RBFOX3: variants seen among roughly 807,000 people sequenced by gnomAD.
RBFOX3 encodes RNA binding protein fox-1 homolog 3.
Under a neutral mutation model 48.7 loss-of-function variants are expected in RBFOX3, and 17 were observed. The observed-to-expected ratio is 0.35, with a 90% CI of 0.24 to 0.52. The LOEUF (loss-of-function observed/expected upper bound fraction) is 0.52, where lower values mean the gene tolerates loss of function less well. Ranked by LOEUF, RBFOX3 falls within the 20% of genes least tolerant of loss-of-function variation. The pLI is 0.94. For missense variants in RBFOX3, 382 were observed against 497.5 expected (o/e 0.77, Z 2.21); for synonymous variants, 212 against 209.5 (o/e 1.01, Z -0.10).
chr17:79,120,739 T>TGGGTGGGTGGATGGAA (rs2035518517), intron 4 of RBFOX3, among the ~76,000 whole-genome samples: 1 of 107,102 alleles, frequency 9.3e-6, no homozygotes, highest in Non-Finnish European at 2.0e-5. Context: ...GGTGGATGGA[T>TGGGTGGGTGGATGGAA]GGACAGATGG....
chr17:79,368,071 C>T (rs1379639343), intron 2 of RBFOX3, among the ~76,000 whole-genome samples: 4 of 152,330 alleles, frequency 2.6e-5, no homozygotes, highest in East Asian at 3.9e-4. Flanking sequence ...TCATTTCCTG[C>T]TAATGAGATT....
At position 79,242,771 on chromosome 17, in the gene RBFOX3, A is replaced by G. The variant is rs999560883; in HGVS notation, c.-73-6966T>C. ...AGGGCCACCCCCTTACTGGGCCTCC[A>G]CAGGGCAGCAGGGCAGGGCTTAGGG... On this transcript the variant is annotated intron_variant, in intron 3 of 14. Transcript: ENST00000693108. The surrounding 1 kb of genome is among the most constrained non-coding windows in gnomAD (Gnocchi z 5.8). 6.6e-6 allele frequency among the ~76,000 whole-genome samples: 1 copy of G among 152,286 alleles called. No homozygotes were observed. The highest frequency in any genetic ancestry group is 1.9e-4 in the East Asian group (1 of 5,160).
At chr17:79,449,622 A>AACACACACAC (rs57480439) in intron 2 of RBFOX3, among the ~76,000 whole-genome samples, 17,767 of 144,488 alleles carry the variant, frequency 0.12, 1,254 homozygotes, top group East Asian at 0.19. Context: ...TGCACACATA[A>AACACACACAC]ACACACACAC....
intron 4 of RBFOX3, among the ~76,000 whole-genome samples, chr17:79,118,042 G>C (rs564813155): frequency 6.6e-6 from 1 of 152,064 alleles, no homozygotes; most frequent in Non-Finnish European, 1.5e-5. Flanking sequence ...GGGTGGGTGC[G>C]CATAGCTGGA....
At chr17:79,271,994 T>A (rs748933140) in intron 3 of RBFOX3, among the ~76,000 whole-genome samples, 1 of 152,176 alleles carries the variant, frequency 6.6e-6, no homozygotes, top group Non-Finnish European at 1.5e-5. Context: ...GGAATATATG[T>A]CCTCAAAATA....
At chr17:79,394,554 G>A (rs8081472) in intron 2 of RBFOX3, among the ~76,000 whole-genome samples, 21,813 of 152,188 alleles carry the variant, frequency 0.14, 1,494 homozygotes, top group Middle Eastern at 0.2. Context: ...AGGACAGGAG[G>A]CTGACAGTCA....
At chr17:79,134,451 C>T (rs2039698476) in intron 4 of RBFOX3, among the ~76,000 whole-genome samples, 1 of 152,208 alleles carries the variant, frequency 6.6e-6, no homozygotes, top group African/African-American at 2.4e-5. Context: ...GGTGCTCACG[C>T]CTGGTCGGTC....
At chr17:79,394,238 G>A (rs2061712757) in intron 2 of RBFOX3, among the ~76,000 whole-genome samples, 1 of 152,208 alleles carries the variant, frequency 6.6e-6, no homozygotes, top group Non-Finnish European at 1.5e-5. Flanking sequence ...GCCCAGGATG[G>A]AAAAGCATGA....
intron 4 of RBFOX3, among the ~76,000 whole-genome samples, chr17:79,153,658 T>G (rs907390239): frequency 1.3e-5 from 2 of 152,196 alleles, no homozygotes; most frequent in Non-Finnish European, 2.9e-5. Flanking sequence ...CAATCCTTAC[T>G]TGCTGCACGG....
At chr17:79,329,592 G>T (rs1410942706) in intron 2 of RBFOX3, among the ~76,000 whole-genome samples, 1 of 152,144 alleles carries the variant, frequency 6.6e-6, no homozygotes, top group Non-Finnish European at 1.5e-5. Context: ...AAGGAGCTCT[G>T]CATGCCTGGT....
chr17:79,646,693 A>T, the RBFOX3 span, among the ~76,000 whole-genome samples: 1 of 152,160 alleles, frequency 6.6e-6, no homozygotes, highest in Non-Finnish European at 1.5e-5. Context: ...GGGCACAGCC[A>T]AACCATATCA....
chr17:79,611,130 T>TCTCTCTCCC (rs1491548376), upstream of RBFOX3, among the ~76,000 whole-genome samples: 2 of 37,846 alleles, frequency 5.3e-5, no homozygotes, highest in South Asian at 9.3e-4. Context: ...TCCGCCCTCC[T>TCTCTCTCCC]TCTCTCTCTC....
chr17:79,263,725 A>T (rs1455461369), intron 3 of RBFOX3, among the ~76,000 whole-genome samples: 3 of 152,192 alleles, frequency 2.0e-5, no homozygotes, highest in Admixed American at 6.5e-5. Context: ...TGCCTGACAC[A>T]CAGGGGGCAG....
rs1421492076 is a variant in RBFOX3 at position 79,110,545 on chromosome 17, C to T, written c.223-3757G>A. On this transcript the variant is annotated intron_variant, in intron 5 of 14. Coordinates refer to ENST00000693108, the MANE Select transcript of RBFOX3 (RefSeq NM_001350451.2). ...AACCGGTTTTTGGAAATCCCTTCCTCGACAGCGCCGTCTCCCTTCGTTCCT... is the reference window on the plus strand; with the variant it reads ...AACCGGTTTTTGGAAATCCCTTCCTTGACAGCGCCGTCTCCCTTCGTTCCT... 4.6e-5 allele frequency among the ~76,000 whole-genome samples: 7 copies of T among 152,348 alleles called. No homozygotes were observed. The South Asian group carries it at 8.3e-4, about 18-fold the overall frequency.
chr17:79,548,041 C>T (rs1431426246), intron 1 of RBFOX3, among the ~76,000 whole-genome samples: 2 of 152,232 alleles, frequency 1.3e-5, no homozygotes, highest in African/African-American at 4.8e-5. Context: ...TTCCTGTCTC[C>T]ACCCATTTCC....
chr17:79,241,365 G>T (rs532832110), intron 3 of RBFOX3, among the ~76,000 whole-genome samples: 1 of 152,182 alleles, frequency 6.6e-6, no homozygotes, highest in South Asian at 2.1e-4. Flanking sequence ...GCACTTCTGG[G>T]GAGGTGATAT....
rs1359300481 is a variant in RBFOX3, at chr17:79,198,239, A to G, written c.-34+37527T>C. Among the ~76,000 whole-genome samples the G allele has an allele frequency of 6.6e-6, 1 of 152,086 alleles. No homozygotes were observed. The highest frequency in any genetic ancestry group is 2.4e-5 in the African/African-American group (1 of 41,398). On this transcript the variant is annotated intron_variant, in intron 4 of 14. Transcript: ENST00000693108. This position sits in a 1 kb window ranked among gnomAD's most constrained non-coding sequence, Gnocchi z 8.2. ...ACCAGAAGGGGAAATCATGGGTGAC[A>G]ACCGCCTCTGGCCAGCCCTCTGCCC...
rs1195740021 is a variant in RBFOX3 at position 79,443,478 on chromosome 17, T to C, written c.-175+38976A>G. Among the ~76,000 whole-genome samples, 1 of 151,940 alleles carries C rather than the reference T, an allele frequency of 6.6e-6. No individual in the cohort carries two copies. The highest frequency in any genetic ancestry group is 2.4e-5 in the African/African-American group (1 of 41,354). On this transcript the variant is annotated intron_variant, in intron 2 of 14. Transcript: ENST00000693108. This position sits in a 1 kb window ranked among gnomAD's most constrained non-coding sequence, Gnocchi z 4.4. ...CTCGCTGCAACCTCTGCCTCCCAGGTTCCAGTGATTCTCCTTGCCTCAGCC... is the reference window on the plus strand; with the variant it reads ...CTCGCTGCAACCTCTGCCTCCCAGGCTCCAGTGATTCTCCTTGCCTCAGCC...
the RBFOX3 span, among the ~76,000 whole-genome samples, chr17:79,630,955 G>A: frequency 1.3e-5 from 2 of 152,040 alleles, no homozygotes; most frequent in African/African-American, 2.4e-5. Flanking sequence ...CCCGCCCCAC[G>A]AGGTGGAGGC....
Sources: gnomAD v4.1 joint callset for allele counts (sites outside exome capture counted in the v4.1 genomes callset) on GRCh38, gnomAD v4.1.1 for gene constraint, Gnocchi (gnomAD v3.1) non-coding constraint, MANE v1.5 for transcripts, NCBI Gene and HGNC (gene_info 2026-07-23, HGNC 2026-07-21) for gene names.